The following PDE11A variants were observed in gnomAD, a reference collection of about 807,000 sequenced individuals.
PDE11A encodes phosphodiesterase 11A.
A neutral mutation model predicts 100.5 loss-of-function variants in PDE11A; 100 were observed. That is an observed-to-expected ratio of 1.00 (90% CI 0.85 to 1.18). The LOEUF (loss-of-function observed/expected upper bound fraction) is 1.18, where lower values mean the gene tolerates loss of function less well. PDE11A is among the 50% of genes most tolerant of loss of function. The pLI is 0.00. For synonymous variants in PDE11A, 381 were observed against 420.8 expected (o/e 0.91, Z 1.16); for missense variants, 1,141 against 1,152.6 (o/e 0.99, Z 0.15).
At chr2:178,049,884 C>G (rs1335985310) in intron 1 of PDE11A, among the ~76,000 whole-genome samples, 1 of 152,192 alleles carries the variant, frequency 6.6e-6, no homozygotes, top group Non-Finnish European at 1.5e-5. Context: ...CACCGCAGCT[C>G]AAGGAAGCCT....
intron 2 of PDE11A, chr2:177,997,340 CT>C: frequency 2.3e-6 from 2 of 878,350 alleles, no homozygotes; most frequent in African/African-American, 1.6e-5. Flanking sequence ...CCTGGCATCT[CT>C]TTTTTGTTCT....
chr2:177,989,722 A>G (rs964791900), intron 2 of PDE11A, among the ~76,000 whole-genome samples: 21 of 152,226 alleles, frequency 1.4e-4, no homozygotes, highest in Admixed American at 5.2e-4. Flanking sequence ...TCTAAATACC[A>G]GGAGTCCACT....
chr2:177,674,892 G>A (rs3770013), intron 17 of PDE11A, among the ~76,000 whole-genome samples: 120,492 of 151,848 alleles, frequency 0.79, 47,970 homozygotes, highest in East Asian at 0.87. Context: ...GTAATCCCTG[G>A]TCTTCAGTTG....
At chr2:177,909,671 C>T (rs1489338731) in intron 2 of PDE11A, among the ~76,000 whole-genome samples, 1 of 152,104 alleles carries the variant, frequency 6.6e-6, no homozygotes, top group Non-Finnish European at 1.5e-5. Flanking sequence ...CACATGTGTA[C>T]CAGTTTTTTC....
chr2:177,841,722 T>C (rs2083493595), intron 5 of PDE11A, among the ~76,000 whole-genome samples: 1 of 152,238 alleles, frequency 6.6e-6, no homozygotes, highest in Non-Finnish European at 1.5e-5. Flanking sequence ...TATTGCATAT[T>C]AAACATTAAT....
chr2:178,084,726 C>T (rs78658728), intron 2 of PDE11A, among the ~76,000 whole-genome samples: 13,758 of 149,982 alleles, frequency 0.092, 690 homozygotes, highest in Middle Eastern at 0.13. Flanking sequence ...AAAAGAAATG[C>T]GTATACATGT....
rs534159816 is a variant in PDE11A at position 177,940,243 on chromosome 2, A to G, written c.1072-35056T>C. ...TTTTTCTTAAAACAGTATCTTTTAA[A>G]GATTTTTTTTCAATATATTAAGAAT... On this transcript the variant is annotated intron_variant, in intron 2 of 19. Coordinates refer to ENST00000286063, the MANE Select transcript of PDE11A (RefSeq NM_016953.4). 2.0e-5 allele frequency among the ~76,000 whole-genome samples: 3 copies of G among 152,324 alleles called. No individual in the cohort carries two copies. In the East Asian group the frequency reaches 5.8e-4, roughly 29 times the overall value.
chr2:177,702,573 A>G (rs147069381), intron 13 of PDE11A: 2 of 152,284 alleles, frequency 1.3e-5, no homozygotes, highest in African/African-American at 2.4e-5. Flanking sequence ...CTAGTGAGAG[A>G]AGCAAGGACT....
chr2:178,029,085 G>C (rs1208548555), intron 1 of PDE11A, among the ~76,000 whole-genome samples: 1 of 152,090 alleles, frequency 6.6e-6, no homozygotes, highest in African/African-American at 2.4e-5. Context: ...AGGCATCATT[G>C]GATATTGTCT....
chr2:177,657,009 A>T (rs962753298), intron 19 of PDE11A, among the ~76,000 whole-genome samples: 1 of 152,158 alleles, frequency 6.6e-6, no homozygotes, highest in African/African-American at 2.4e-5. Flanking sequence ...TACCTTATAG[A>T]TGGTGATAGT....
intron 15 of PDE11A, among the ~76,000 whole-genome samples, chr2:177,683,085 T>C: frequency 6.6e-6 from 1 of 152,122 alleles, no homozygotes; most frequent in East Asian, 1.9e-4. Flanking sequence ...CTGGGGTGCT[T>C]ATCACCAACT....
chr2:177,664,657 T>G (rs188335631), intron 18 of PDE11A, among the ~76,000 whole-genome samples: 2 of 152,304 alleles, frequency 1.3e-5, no homozygotes, highest in Admixed American at 6.5e-5. Flanking sequence ...ATTTTAGTGT[T>G]AAAATTAATT....
chr2:177,789,006 A>C, intron 9 of PDE11A, among the ~76,000 whole-genome samples: 1 of 152,276 alleles, frequency 6.6e-6, no homozygotes, highest in Non-Finnish European at 1.5e-5. Flanking sequence ...TCCAATCAAC[A>C]GAAAAAGAGG....
chr2:177,847,959 T>C (rs2083629799), intron 5 of PDE11A, among the ~76,000 whole-genome samples: 1 of 152,056 alleles, frequency 6.6e-6, no homozygotes, highest in African/African-American at 2.4e-5. Flanking sequence ...AATCTCCTCA[T>C]GCAAGTGAAT....
intron 2 of PDE11A, among the ~76,000 whole-genome samples, chr2:177,916,880 C>T (rs2084961081): frequency 6.6e-6 from 1 of 151,578 alleles, no homozygotes; most frequent in South Asian, 2.1e-4. Context: ...CCTGGCTCAG[C>T]CTCCCGAGTA....
At chr2:177,963,925 G>A (rs919088668) in intron 2 of PDE11A, among the ~76,000 whole-genome samples, 13 of 152,134 alleles carry the variant, frequency 8.5e-5, no homozygotes, top group African/African-American at 3.1e-4. Flanking sequence ...GCCCTCCACT[G>A]AACTGTCATC....
chr2:177,906,204 C>T (rs1429830754), intron 2 of PDE11A, among the ~76,000 whole-genome samples: 1 of 150,630 alleles, frequency 6.6e-6, no homozygotes, highest in Non-Finnish European at 1.5e-5. Context: ...CACGCACGCA[C>T]ACAATGGTGC....
chr2:177,965,200 AT>A (rs542839142), intron 2 of PDE11A, among the ~76,000 whole-genome samples: 96 of 152,190 alleles, frequency 6.3e-4, no homozygotes, highest in African/African-American at 2.2e-3. Context: ...TCCTCTGCTC[AT>A]TTTTTAATGG....
chr2:177,983,956 G>A (rs1160105400), intron 2 of PDE11A, among the ~76,000 whole-genome samples: 3 of 152,228 alleles, frequency 2.0e-5, no homozygotes, highest in African/African-American at 7.2e-5. Flanking sequence ...TGACAAAACC[G>A]ACTCCCAAAG....
Sources: allele counts gnomAD v4.1 joint callset (sites outside exome capture counted in the v4.1 genomes callset), GRCh38; gene constraint gnomAD v4.1.1; transcripts MANE v1.5; gene names NCBI Gene and HGNC (gene_info 2026-07-23, HGNC 2026-07-21).